Variants in SKAP1 observed in about 807,000 individuals in gnomAD.
SKAP1 encodes src kinase-associated phosphoprotein 1.
In SKAP1, 44 loss-of-function variants were observed where a neutral mutation model predicts 58.5. That is an observed-to-expected ratio of 0.75 (90% CI 0.59 to 0.97). The LOEUF (loss-of-function observed/expected upper bound fraction) is 0.97, where lower values mean the gene tolerates loss of function less well. SKAP1 is among the 50% of genes least tolerant of loss of function. The pLI is 0.00. For synonymous variants in SKAP1, 127 were observed against 149.7 expected (o/e 0.85, Z 1.11); for missense variants, 390 against 435.2 (o/e 0.90, Z 0.92).
intron 4 of SKAP1, among the ~76,000 whole-genome samples, chr17:48,292,132 C>A (rs370850735): frequency 1.8e-3 from 223 of 121,286 alleles, no homozygotes; most frequent in East Asian, 2.5e-3. Context: ...TTAGCCTATT[C>A]AAAAAAAAAA....
chr17:48,240,278 A>C (rs925813996), intron 4 of SKAP1, among the ~76,000 whole-genome samples: 3 of 152,208 alleles, frequency 2.0e-5, no homozygotes, highest in African/African-American at 7.2e-5. Flanking sequence ...TGAGCTGACA[A>C]CTGAAGTTTA....
intron 9 of SKAP1, among the ~76,000 whole-genome samples, chr17:48,175,317 C>T (rs1467970319): frequency 6.6e-6 from 1 of 152,158 alleles, no homozygotes; most frequent in Non-Finnish European, 1.5e-5. Context: ...AACCAGATGT[C>T]AAGGTGCTGT....
At chr17:48,315,889 C>T (rs917602865) in intron 4 of SKAP1, among the ~76,000 whole-genome samples, 6 of 152,148 alleles carry the variant, frequency 3.9e-5, no homozygotes, top group African/African-American at 1.4e-4. Flanking sequence ...TGGATCCCAT[C>T]CCCAAGATAT....
chr17:48,345,626 C>CT (rs2066712897), intron 4 of SKAP1, among the ~76,000 whole-genome samples: 1 of 152,186 alleles, frequency 6.6e-6, no homozygotes, highest in African/African-American at 2.4e-5. Flanking sequence ...GCCCTCTTAG[C>CT]TATTGAGCTA....
Position 48,263,784 on chromosome 17 carries a change from A to C in SKAP1, c.281-74284T>G, listed in dbSNP as rs145922238. 1.2e-3 allele frequency among the ~76,000 whole-genome samples: 180 copies of C among 152,328 alleles called. 1 individual carries two copies. Among genetic ancestry groups the C allele is most frequent in the African/African-American group, 4.2e-3 (173 of 41,564 alleles). On this transcript the variant is annotated intron_variant, in intron 4 of 12. Coordinates refer to ENST00000336915, the MANE Select transcript of SKAP1 (RefSeq NM_003726.4). Reference sequence around the variant, plus strand: ...CTTCAGGGGCTTTAGGAACAGGCTGAAATTATTTGGTTTTGACCGCCAGAT... The same window carrying C: ...CTTCAGGGGCTTTAGGAACAGGCTGCAATTATTTGGTTTTGACCGCCAGAT...
intron 1 of SKAP1, among the ~76,000 whole-genome samples, chr17:48,426,698 T>G (rs2067856812): frequency 6.6e-6 from 1 of 152,240 alleles, no homozygotes; most frequent in South Asian, 2.1e-4. Flanking sequence ...ACCCTCCATT[T>G]TACTTATCTA....
chr17:48,414,781 T>C (rs2067712119), intron 1 of SKAP1, among the ~76,000 whole-genome samples: 1 of 152,144 alleles, frequency 6.6e-6, no homozygotes. Flanking sequence ...GCTGTAGAAT[T>C]TGAAGGCCAG....
chr17:48,225,826 A>G (rs1456643092), intron 4 of SKAP1, among the ~76,000 whole-genome samples: 1 of 152,218 alleles, frequency 6.6e-6, no homozygotes, highest in Admixed American at 6.5e-5. Context: ...CCTGGACTTA[A>G]GAATGAAGAG....
At chr17:48,139,251 A>G (rs2063739738) in intron 11 of SKAP1, among the ~76,000 whole-genome samples, 1 of 149,184 alleles carries the variant, frequency 6.7e-6, no homozygotes, top group South Asian at 2.1e-4. Context: ...GTGAGATCTC[A>G]GCTCACTGCA....
chr17:48,316,578 C>T (rs547064632), intron 4 of SKAP1, among the ~76,000 whole-genome samples: 12 of 152,192 alleles, frequency 7.9e-5, no homozygotes, highest in African/African-American at 2.4e-4. Context: ...TATAACATAT[C>T]GGCCCCAGTA....
In SKAP1 at chr17:48,155,219, C is replaced by T. The variant is rs2063958785; in HGVS notation, c.978+7250G>A. On this transcript the variant is annotated intron_variant, in intron 11 of 12. Coordinates refer to ENST00000336915, the MANE Select transcript of SKAP1 (RefSeq NM_003726.4). The stretch of plus-strand genomic sequence containing the variant: ...CTTGGCTCACTGCAACCACTGCCTC[C>T]CGGGTTCAAGCGAGTCTCCTGCCTC... Among the ~76,000 whole-genome samples, 6 of 151,654 alleles carry T rather than the reference C, an allele frequency of 4.0e-5. No individual in the cohort carries two copies. The South Asian group carries it at 1.3e-3, about 32-fold the overall frequency.
chr17:48,329,290 C>T (rs1419842779), intron 4 of SKAP1, among the ~76,000 whole-genome samples: 1 of 152,208 alleles, frequency 6.6e-6, no homozygotes, highest in Non-Finnish European at 1.5e-5. Context: ...GTGCCTAGCA[C>T]AATGCCTGCC....
At chr17:48,277,877 G>A (rs1388294933) in intron 4 of SKAP1, among the ~76,000 whole-genome samples, 1 of 151,972 alleles carries the variant, frequency 6.6e-6, no homozygotes, top group Non-Finnish European at 1.5e-5. Context: ...TACAGGCTTG[G>A]GCATCACTGT....
intron 11 of SKAP1, among the ~76,000 whole-genome samples, chr17:48,147,437 T>C (rs2063845362): frequency 1.3e-5 from 2 of 152,182 alleles, no homozygotes; most frequent in Non-Finnish European, 2.9e-5. Flanking sequence ...ACTCCTAAAA[T>C]CCAGCTTTGG....
At position 48,282,071 on chromosome 17, in the gene SKAP1, A is replaced by G. The variant is rs190811037; in HGVS notation, c.280+63834T>C. 3.7e-3 allele frequency among the ~76,000 whole-genome samples: 562 copies of G among 152,348 alleles called. 3 individuals are homozygous for G. The highest frequency in any genetic ancestry group is 5.6e-3 in the Non-Finnish European group (378 of 68,034). On this transcript the variant is annotated intron_variant, in intron 4 of 12. Transcript: ENST00000336915. ...AAGAAAACAGAAATCCCAAAATAAT[A>G]TAAGTTTGTCTCAGCTAACAATATC...
Position 48,217,999 on chromosome 17 carries a change from A to G in SKAP1, c.281-28499T>C, listed in dbSNP as rs527873326. On this transcript the variant is annotated intron_variant, in intron 4 of 12. Transcript: ENST00000336915. ...TTTTTGCAGGTCATTTGTATGAGAT[A>G]TTGTTGGATAAACTGATTTCATAGA... Among the ~76,000 whole-genome samples, 39 of 152,364 alleles carry G rather than the reference A, an allele frequency of 2.6e-4. 1 individual carries two copies. Among genetic ancestry groups the G allele is most frequent in the Non-Finnish European group, 4.8e-4 (33 of 68,044 alleles).
At chr17:48,387,738 A>G (rs1321287289) in intron 2 of SKAP1, among the ~76,000 whole-genome samples, 16 of 152,212 alleles carry the variant, frequency 1.1e-4, no homozygotes, top group Admixed American at 1.0e-3. Context: ...TATAAAATTG[A>G]GTTCCATTTC....
intron 6 of SKAP1, among the ~76,000 whole-genome samples, chr17:48,187,326 C>A (rs796123801): frequency 6.6e-6 from 1 of 152,134 alleles, no homozygotes; most frequent in Admixed American, 6.5e-5. Context: ...AAGGGCATGC[C>A]TTGGGTACAG....
chr17:48,328,432 C>A (rs1440176030), intron 4 of SKAP1, among the ~76,000 whole-genome samples: 2 of 151,944 alleles, frequency 1.3e-5, no homozygotes, highest in African/African-American at 4.8e-5. Context: ...ATAAATGATA[C>A]CCCCGTACTG....
Sources: gnomAD v4.1 joint callset for allele counts (sites outside exome capture counted in the v4.1 genomes callset) on GRCh38, gnomAD v4.1.1 for gene constraint, MANE v1.5 for transcripts, NCBI Gene and HGNC (gene_info 2026-07-23, HGNC 2026-07-21) for gene names.